The following GTF3C1 variants were observed in gnomAD, a reference collection of about 807,000 sequenced individuals.
GTF3C1 encodes general transcription factor 3C polypeptide 1.
A neutral mutation model predicts 226.7 loss-of-function variants in GTF3C1; 57 were observed. That is an observed-to-expected ratio of 0.25 (90% confidence interval 0.20 to 0.31). The LOEUF is 0.31. Among genes scored for constraint, GTF3C1 ranks in the 10% least tolerant of loss-of-function variants. The pLI, the probability that GTF3C1 is intolerant of heterozygous loss-of-function variation, is 1.00. For synonymous variants in GTF3C1, 1,090 were observed against 1,084.8 expected, an observed-to-expected ratio of 1.00 and a Z score of -0.09; for missense variants, 2,217 against 2,776.1, an observed-to-expected ratio of 0.80 and a Z score of 4.53.
At position 27,471,797 on chromosome 16, in the gene GTF3C1, C is replaced by T; in HGVS notation, c.4477G>A (p.Ala1493Thr). 6.2e-7 allele frequency: 1 copy of T among 1,613,980 alleles called. No individual in the cohort carries two copies. Among genetic ancestry groups the T allele is most frequent in the Non-Finnish European group, 8.5e-7 (1 of 1,179,936 alleles). The change falls in exon 30 of 37, where the codon GCC becomes ACC. Residue 1493 changes from alanine to threonine, a missense_variant. Coordinates refer to ENST00000356183, the MANE Select transcript of GTF3C1 (RefSeq NM_001520.4). This position sits in a 1 kb window ranked among gnomAD's most constrained non-coding sequence, Gnocchi z 5.0. ...TAGGACATTGGCACGAAGGGGAGGG[C>T]CCGGTTCTTCTTGGGGCCCAGCGTG... is the stretch of plus-strand genomic sequence containing the variant. ...NHTLGPKKNR[A>T]LPFVPMSYQL...
intron 2 of GTF3C1, among the ~76,000 whole-genome samples, chr16:27,541,070 GC>G (rs1465256941): frequency 6.6e-6 from 1 of 152,088 alleles, no homozygotes; most frequent in Non-Finnish European, 1.5e-5. Flanking sequence ...TGAACTCCTG[GC>G]CTCAAGTGAT....
Position 27,505,881 on chromosome 16 carries a change from C to A in GTF3C1, c.1770+18G>T. Reference sequence around the variant, plus strand: ...GACTCCTTCTTGGAGACAGCTCCCTCCCTCTGCATGCACTGACCTTTGGGT... The same window carrying A: ...GACTCCTTCTTGGAGACAGCTCCCTACCTCTGCATGCACTGACCTTTGGGT... On this transcript the variant is annotated intron_variant, in intron 10 of 36. Coordinates refer to ENST00000356183, the MANE Select transcript of GTF3C1 (RefSeq NM_001520.4). 1 of 1,386,368 alleles carries A rather than the reference C, an allele frequency of 7.2e-7. No individual in the cohort carries two copies. Among genetic ancestry groups the A allele is most frequent in the Non-Finnish European group, 1.0e-6 (1 of 972,594 alleles). The allele number at this position is 1,386,368 out of a possible 1,614,324, so 85.9% of individuals were successfully genotyped here.
intron 16 of GTF3C1, among the ~76,000 whole-genome samples, chr16:27,494,356 G>A (rs753136254): frequency 2.0e-5 from 3 of 149,318 alleles, no homozygotes; most frequent in Non-Finnish European, 4.4e-5. Flanking sequence ...AGCAGAGATC[G>A]CGCCACTGCA....
intron 25 of GTF3C1, chr16:27,483,370 A>G: frequency 1.6e-6 from 1 of 622,322 alleles, no homozygotes; most frequent in Non-Finnish European, 3.0e-6. Flanking sequence ...TTCATAGGTA[A>G]CCGAGAACAC....
intron 2 of GTF3C1, among the ~76,000 whole-genome samples, chr16:27,538,916 T>A (rs2089040230): frequency 6.6e-6 from 1 of 151,132 alleles, no homozygotes; most frequent in Non-Finnish European, 1.5e-5. Context: ...CCCCACCATT[T>A]CCATATTCTT....
At chr16:27,521,807 T>C (rs772208469) in intron 6 of GTF3C1, among the ~76,000 whole-genome samples, 2 of 152,252 alleles carry the variant, frequency 1.3e-5, no homozygotes, top group Non-Finnish European at 2.9e-5. Flanking sequence ...TCTAGGCTTT[T>C]AAAATTTCTG....
intron 16 of GTF3C1, among the ~76,000 whole-genome samples, chr16:27,494,278 G>A (rs143724653): frequency 0.016 from 2,467 of 152,032 alleles, 23 homozygotes; most frequent in Middle Eastern, 0.044. Flanking sequence ...GTGGGTGCCT[G>A]TAGTCCCAGC....
chr16:27,465,235 C>A, intron 33 of GTF3C1, 25 bp downstream of exon 33: 2 of 1,608,946 alleles, frequency 1.2e-6, no homozygotes, highest in Non-Finnish European at 1.7e-6. Flanking sequence ...TCGGTGATAT[C>A]CGGCTAACCT....
chr16:27,530,060 T>A (rs761148679), intron 5 of GTF3C1, among the ~76,000 whole-genome samples: 1 of 152,154 alleles, frequency 6.6e-6, no homozygotes, highest in Non-Finnish European at 1.5e-5. Flanking sequence ...AGGGAGCGAA[T>A]GGCAGGAGGC....
chr16:27,503,797 C>G (rs1017645557), intron 10 of GTF3C1, among the ~76,000 whole-genome samples: 1 of 152,194 alleles, frequency 6.6e-6, no homozygotes, highest in Admixed American at 6.5e-5. Flanking sequence ...GGACCCAAGT[C>G]AATGCCTTAT....
At chr16:27,490,698 G>A (rs1466912729) in intron 19 of GTF3C1, among the ~76,000 whole-genome samples, 1 of 152,170 alleles carries the variant, frequency 6.6e-6, no homozygotes, top group Non-Finnish European at 1.5e-5. Flanking sequence ...GAAAAATGCA[G>A]ACTCTCCAGG....
At chr16:27,527,484 A>G (rs1177924869) in intron 6 of GTF3C1, among the ~76,000 whole-genome samples, 3 of 152,132 alleles carry the variant, frequency 2.0e-5, no homozygotes, top group Non-Finnish European at 4.4e-5. Context: ...TGCCCAGACT[A>G]AGGAAGGTTT....
chr16:27,490,602 C>T (rs530043861), intron 19 of GTF3C1, among the ~76,000 whole-genome samples: 8 of 152,278 alleles, frequency 5.3e-5, no homozygotes, highest in Non-Finnish European at 8.8e-5. Context: ...CCCAAGGTCA[C>T]CCGTTTGAAT....
chr16:27,506,149 G>A, intron 9 of GTF3C1, 33 bp from the exon 10 acceptor site: 1 of 1,298,162 alleles, frequency 7.7e-7, no homozygotes, highest in Non-Finnish European at 1.1e-6. Context: ...AACAAATCAA[G>A]GGGGAGGCCA....
At chr16:27,476,846 G>A (rs116996721) in intron 28 of GTF3C1, among the ~76,000 whole-genome samples, 205 of 152,068 alleles carry the variant, frequency 1.3e-3, no homozygotes, top group Non-Finnish European at 2.6e-3. Flanking sequence ...GTTTTTCTCC[G>A]AAGAAAAAAG....
intron 2 of GTF3C1, among the ~76,000 whole-genome samples, chr16:27,544,375 ACT>A (rs1262449669): frequency 6.6e-6 from 1 of 151,636 alleles, no homozygotes; most frequent in East Asian, 1.9e-4. Flanking sequence ...ACAGAGTGAG[ACT>A]CTGTCTCAAA....
Position 27,489,087 on chromosome 16 carries a change from G to T in GTF3C1, c.3385C>A (p.Arg1129Ser). ...ATGTAGCTGGTCCAGATCCAGTTGCGCTTGAGGTGTCCGTAGAAGCTGGAA... is the reference window on the plus strand; with the variant it reads ...ATGTAGCTGGTCCAGATCCAGTTGCTCTTGAGGTGTCCGTAGAAGCTGGAA... The part of the protein sequence containing the change: ...LDSSFYGHLK[R>S]NWIWTSYIIN... The change falls in exon 21 of 37, where the codon CGC becomes AGC. Residue 1129 changes from arginine to serine, a missense_variant. By Grantham distance (110) the Arg-to-Ser change is moderately radical. This residue lies in a region of GTF3C1 where 546 missense variants were observed against 663.0 expected (regional missense o/e 0.82). Transcript: ENST00000356183. The T allele has an allele frequency of 6.2e-7, 1 of 1,613,914 alleles. No homozygotes were observed. Among genetic ancestry groups the T allele is most frequent in the Non-Finnish European group, 8.5e-7 (1 of 1,179,852 alleles).
At chr16:27,511,637 C>T (rs2088571471) in intron 7 of GTF3C1, 112 bp downstream of exon 7, 1 of 1,155,998 alleles carries the variant, frequency 8.7e-7, no homozygotes, top group African/African-American at 1.5e-5. Flanking sequence ...CAAGGCACTT[C>T]CCATTGTATT....
chr16:27,534,324 AG>A (rs1404205088), intron 4 of GTF3C1, among the ~76,000 whole-genome samples: 1 of 152,214 alleles, frequency 6.6e-6, no homozygotes, highest in African/African-American at 2.4e-5. Flanking sequence ...GTGGGAGCTC[AG>A]GGAGGGGTGC....
Sources: allele counts gnomAD v4.1 joint callset (sites outside exome capture counted in the v4.1 genomes callset), GRCh38; gene constraint gnomAD v4.1.1; regional missense constraint gnomAD v4.1.1; non-coding constraint Gnocchi (gnomAD v3.1); transcripts MANE v1.5; gene names NCBI Gene and HGNC (gene_info 2026-07-23, HGNC 2026-07-21).